RAB40C: variants seen among roughly 807,000 people sequenced by gnomAD.
RAB40C encodes RAB40C, member RAS oncogene family, also known as ras-related protein Rab-40C.
A neutral mutation model predicts 28.1 loss-of-function variants in RAB40C; 8 were observed. That is an observed-to-expected ratio of 0.28 (90% CI 0.17 to 0.51). The LOEUF is 0.51. Among genes scored for constraint, RAB40C ranks in the 20% least tolerant of loss-of-function variants. The probability of loss-of-function intolerance (pLI) is 0.97; values close to 1 mark genes in which losing one functional copy is unlikely to be tolerated. For synonymous variants in RAB40C, 201 were observed against 171.7 expected (o/e 1.17, Z -1.34); for missense variants, 288 against 405.9 (o/e 0.71, Z 2.50).
intron 1 of RAB40C, among the ~76,000 whole-genome samples, chr16:615,377 C>T (rs906710450): frequency 9.2e-5 from 14 of 152,230 alleles, no homozygotes; most frequent in African/African-American, 3.4e-4. Context: ...CACAGACACA[C>T]ACACAAGCCC....
chr16:624,709 G>A (rs1302658729), intron 3 of RAB40C: 2 of 985,466 alleles, frequency 2.0e-6, no homozygotes, highest in African/African-American at 3.5e-5. Flanking sequence ...TTGCAGAATT[G>A]TAGGGTGGGA....
chr16:592,552 A>T (rs770590817), intron 1 of RAB40C, among the ~76,000 whole-genome samples: 6 of 152,210 alleles, frequency 3.9e-5, no homozygotes, highest in African/African-American at 1.2e-4. Flanking sequence ...CTGGTCCTGC[A>T]CTTGACAGTG....
At position 595,382 on chromosome 16, in the gene RAB40C, G is replaced by C. The variant is rs548782745; in HGVS notation, c.142+4949G>C. On this transcript the variant is annotated intron_variant, in intron 1 of 5. Coordinates refer to ENST00000248139, the MANE Select transcript of RAB40C (RefSeq NM_021168.5). ...GGAGGAGCCGCCCTGCAGGCCTCCT[G>C]TGAAGCAGCGGGCTTCATGGCTCTT... is the stretch of plus-strand genomic sequence containing the variant. Among the ~76,000 whole-genome samples the C allele has an allele frequency of 2.0e-5, 3 of 152,320 alleles. No homozygotes were observed. The South Asian group carries it at 6.2e-4, about 32-fold the overall frequency.
intron 1 of RAB40C, among the ~76,000 whole-genome samples, chr16:613,467 C>T (rs1341206092): frequency 6.6e-6 from 1 of 152,274 alleles, no homozygotes; most frequent in African/African-American, 2.4e-5. Context: ...GCACGCAGCA[C>T]ACTCAGCGGA....
chr16:618,040 G>A (rs1223061627), intron 2 of RAB40C, among the ~76,000 whole-genome samples, 160 bp from the exon 3 acceptor site: 2 of 152,180 alleles, frequency 1.3e-5, no homozygotes, highest in Non-Finnish European at 2.9e-5. Context: ...CCAGGCTGCT[G>A]TGACCTGTGC....
intron 1 of RAB40C, among the ~76,000 whole-genome samples, chr16:595,250 C>G (rs1292336931): frequency 2.6e-5 from 4 of 152,082 alleles, no homozygotes; most frequent in African/African-American, 9.7e-5. Flanking sequence ...TCCGCTGCCC[C>G]CGTGTAGCCC....
At chr16:622,898 A>AGCTGAGGGT (rs1373787440) in intron 3 of RAB40C, among the ~76,000 whole-genome samples, 4 of 152,102 alleles carry the variant, frequency 2.6e-5, no homozygotes, top group Non-Finnish European at 4.4e-5. Context: ...TGAGACACGC[A>AGCTGAGGGT]GCTGAGGGTG....
At chr16:621,088 C>A (rs939919073) in intron 3 of RAB40C, among the ~76,000 whole-genome samples, 1 of 152,250 alleles carries the variant, frequency 6.6e-6, no homozygotes, top group African/African-American at 2.4e-5. Flanking sequence ...TCTGAGCTGT[C>A]ATTTTCCACA....
chr16:593,060 C>A (rs1222429817), intron 1 of RAB40C, among the ~76,000 whole-genome samples: 1 of 152,238 alleles, frequency 6.6e-6, no homozygotes, highest in Non-Finnish European at 1.5e-5. Context: ...ACTTCCAGGT[C>A]CCCGCAGGAG....
chr16:592,862 C>T (rs918653611), intron 1 of RAB40C, among the ~76,000 whole-genome samples: 1 of 152,256 alleles, frequency 6.6e-6, no homozygotes, highest in Non-Finnish European at 1.5e-5. Context: ...CTCCCTGTCC[C>T]CTTCGTCGGG....
In RAB40C at chr16:590,158, C is replaced by G. The variant is rs2035958127; in HGVS notation, c.-134C>G. 1 of 501,900 alleles carries G rather than the reference C, an allele frequency of 2.0e-6. No individual in the cohort carries two copies. Among genetic ancestry groups the G allele is most frequent in the African/African-American group, 2.1e-5 (1 of 47,110 alleles). The allele number at this position is 501,900 out of a possible 1,614,324, so 31.1% of individuals were successfully genotyped here. A position where few individuals can be genotyped will look rare whatever the true frequency, so the allele number is the denominator to read the frequency against. On this transcript the variant is annotated 5_prime_UTR_variant, in exon 1 of 6. Coordinates refer to ENST00000248139, the MANE Select transcript of RAB40C (RefSeq NM_021168.5). ...CGGGCGGGGCGGGGCCGGCGCTGGG[C>G]TTCGGGCGCGCCCACTCGGCCGCCG...
intron 3 of RAB40C, 151 bp downstream of exon 3, chr16:618,411 A>C: frequency 1.2e-6 from 1 of 840,284 alleles, no homozygotes; most frequent in Non-Finnish European, 1.8e-6. Context: ...TTGTTTTGAG[A>C]CAGAGACTCA....
At chr16:623,927 C>T (rs1003890144) in intron 3 of RAB40C, 1 of 984,476 alleles carries the variant, frequency 1.0e-6, no homozygotes. Context: ...CAGAGTGAGA[C>T]CCTGTTTCAA....
At chr16:620,732 A>T (rs2036695671) in intron 3 of RAB40C, among the ~76,000 whole-genome samples, 1 of 68,620 alleles carries the variant, frequency 1.5e-5, no homozygotes, top group East Asian at 4.4e-4. Flanking sequence ...CCCCCCGCCG[A>T]CGGGCTCCAC....
In RAB40C at chr16:592,207, G is replaced by T. The variant is rs571849138; in HGVS notation, c.142+1774G>T. 2.4e-4 allele frequency among the ~76,000 whole-genome samples: 36 copies of T among 152,292 alleles called. 1 individual carries two copies. In the South Asian group the frequency reaches 7.0e-3, roughly 30 times the overall value. ...TGCTTTGTTTCTTGGGCTCTTGTCC[G>T]TCCTGTCTGACTGCCCTGAGCGTCT... On this transcript the variant is annotated intron_variant, in intron 1 of 5. Coordinates refer to ENST00000248139, the MANE Select transcript of RAB40C (RefSeq NM_021168.5).
intron 2 of RAB40C, among the ~76,000 whole-genome samples, 180 bp from the exon 3 acceptor site, chr16:618,020 C>G (rs1369424325): frequency 6.6e-6 from 1 of 152,250 alleles, no homozygotes; most frequent in African/African-American, 2.4e-5. Context: ...CCTGGCTCAG[C>G]GGCACGGCGC....
At chr16:595,789 G>A (rs1486231180) in intron 1 of RAB40C, among the ~76,000 whole-genome samples, 1 of 152,042 alleles carries the variant, frequency 6.6e-6, no homozygotes, top group Non-Finnish European at 1.5e-5. Context: ...TTGTAGTAGA[G>A]ATGGGGTTTC....
intron 4 of RAB40C, 137 bp downstream of exon 4, chr16:625,646 C>T (rs561089125): frequency 9.5e-5 from 93 of 978,546 alleles, no homozygotes; most frequent in Middle Eastern, 3.0e-4. Context: ...CCACGGCCTA[C>T]GCCTGGGCAT....
Position 627,892 on chromosome 16 carries a change from C to A in RAB40C, c.*270C>A. 1 of 436,796 alleles carries A rather than the reference C, an allele frequency of 2.3e-6. No homozygotes were observed. Among genetic ancestry groups the A allele is most frequent in the Non-Finnish European group, 4.0e-6 (1 of 249,062 alleles). 27.1% of individuals were successfully genotyped at this position (436,796 alleles called of 1,614,324 possible). A position where few individuals can be genotyped will look rare whatever the true frequency, so the allele number is the denominator to read the frequency against. On this transcript the variant is annotated 3_prime_UTR_variant, in exon 6 of 6. Transcript: ENST00000248139. ...GCCTCCCCAGCTGCCTGGGCTTGAC[C>A]GGCGGGGAGCCTGGTTGGCCTTTCT...
Sources: gnomAD v4.1 joint callset for allele counts (sites outside exome capture counted in the v4.1 genomes callset) on GRCh38, gnomAD v4.1.1 for gene constraint, MANE v1.5 for transcripts, NCBI Gene and HGNC (gene_info 2026-07-23, HGNC 2026-07-21) for gene names.